SLCO1C1: variants seen among roughly 807,000 people sequenced by gnomAD.
SLCO1C1 encodes the protein solute carrier organic anion transporter family member 1C1.
SLCO1C1 carries 70 observed loss-of-function variants against 76.4 expected under a neutral mutation model. The ratio of observed to expected loss-of-function variants is 0.92; its 90% CI spans 0.76 to 1.12. The LOEUF (loss-of-function observed/expected upper bound fraction) is 1.12. SLCO1C1 is among the 50% of genes most tolerant of loss of function. SLCO1C1 has a pLI of 0.00. For synonymous variants in SLCO1C1, 306 were observed against 286.1 expected (o/e 1.07, Z -0.70); for missense variants, 912 against 823.8 (o/e 1.11, Z -1.31).
intron 9 of SLCO1C1, among the ~76,000 whole-genome samples, chr12:20,730,328 C>T (rs892916080): frequency 6.8e-4 from 103 of 152,012 alleles, no homozygotes; most frequent in African/African-American, 2.2e-3. Flanking sequence ...TAAAAGTAGG[C>T]ACTTCAAGGA....
At chr12:20,716,168 G>C (rs1947351992) in intron 6 of SLCO1C1, among the ~76,000 whole-genome samples, 1 of 152,128 alleles carries the variant, frequency 6.6e-6, no homozygotes, top group African/African-American at 2.4e-5. Context: ...GACTCCAGGG[G>C]GTGCTGGTTA....
intron 9 of SLCO1C1, among the ~76,000 whole-genome samples, chr12:20,730,090 C>G (rs563845275): frequency 6.6e-6 from 1 of 152,042 alleles, no homozygotes; most frequent in Non-Finnish European, 1.5e-5. Flanking sequence ...TTCTTACGTC[C>G]AGGTTCAATT....
At chr12:20,730,761 C>T (rs937238105) in intron 9 of SLCO1C1, among the ~76,000 whole-genome samples, 12 of 152,150 alleles carry the variant, frequency 7.9e-5, no homozygotes, top group African/African-American at 2.9e-4. Context: ...CAAATAAAAA[C>T]AGATGAAACA....
Position 20,695,680 on chromosome 12 carries a change from C to A in SLCO1C1, c.-153C>A, listed in dbSNP as rs1946236394. On this transcript the variant is annotated 5_prime_UTR_variant, in exon 1 of 15. Coordinates refer to ENST00000266509, the MANE Select transcript of SLCO1C1 (RefSeq NM_017435.5). ...TGCTTGTGTCCACCCACACTCTCCC[C>A]ACCTGGCAAAATTGTTCAAAATTGC... 1 of 152,122 alleles carries A rather than the reference C, an allele frequency of 6.6e-6. No homozygotes were observed. The highest frequency in any genetic ancestry group is 2.4e-5 in the African/African-American group (1 of 41,410). 9.4% of individuals were successfully genotyped at this position (152,122 alleles called of 1,614,324 possible).
At chr12:20,744,618 T>C (rs1272746130) in intron 13 of SLCO1C1, among the ~76,000 whole-genome samples, 1 of 152,142 alleles carries the variant, frequency 6.6e-6, no homozygotes, top group Admixed American at 6.5e-5. Flanking sequence ...ACCTTTCTTA[T>C]CAGGTTGACA....
intron 9 of SLCO1C1, among the ~76,000 whole-genome samples, chr12:20,723,641 C>T (rs766007444): frequency 2.0e-5 from 3 of 151,998 alleles, no homozygotes; most frequent in Non-Finnish European, 2.9e-5. Flanking sequence ...TGTATTTTCG[C>T]GGTCAAAAAA....
At position 20,703,531 on chromosome 12, in the gene SLCO1C1, A is replaced by G. The variant is rs1009157851; in HGVS notation, c.271+2072A>G. On this transcript the variant is annotated intron_variant, in intron 3 of 14. Transcript: ENST00000266509. ...CAAATACTTTTAAAATTTTAGTATT[A>G]AGCAATATGCTTGCTTTGTGGTTTT... 3.3e-5 allele frequency among the ~76,000 whole-genome samples: 5 copies of G among 151,978 alleles called. 1 individual carries two copies. The Middle Eastern group carries it at 0.01, about 310-fold the overall frequency.
intron 13 of SLCO1C1, among the ~76,000 whole-genome samples, chr12:20,748,484 C>A (rs1949148641): frequency 6.6e-6 from 1 of 152,142 alleles, no homozygotes; most frequent in Non-Finnish European, 1.5e-5. Context: ...TCCTATATAA[C>A]CACAATACCA....
At position 20,740,233 on chromosome 12, in the gene SLCO1C1, A is replaced by G; in HGVS notation, c.1598A>G (p.Asn533Ser). Residue 533 changes from asparagine (N) to serine (S), a missense_variant, in exon 12 of 15, where the codon AAT (asparagine) becomes AGT (serine). Coordinates refer to ENST00000266509, the MANE Select transcript of SLCO1C1 (RefSeq NM_017435.5). ...CVGIAASKSG[N>S]SSGIVGRCQK... ...GGAATTGCAGCTTCTAAATCCGGAAATTCCTCAGGCATAGTGGGAAGATGT... is the reference window on the plus strand; with the variant it reads ...GGAATTGCAGCTTCTAAATCCGGAAGTTCCTCAGGCATAGTGGGAAGATGT... The G allele has an allele frequency of 6.2e-7, 1 of 1,613,644 alleles. No individual in the cohort carries two copies. The highest frequency in any genetic ancestry group is 8.5e-7 in the Non-Finnish European group (1 of 1,179,840).
chr12:20,729,452 AG>A (rs1249274418), intron 9 of SLCO1C1, among the ~76,000 whole-genome samples: 5 of 152,082 alleles, frequency 3.3e-5, no homozygotes, highest in African/African-American at 1.2e-4. Flanking sequence ...TCTTCCTTTG[AG>A]GGTTTGGTTG....
intron 8 of SLCO1C1, 80 bp from the exon 9 acceptor site, chr12:20,723,010 G>A: frequency 7.7e-7 from 1 of 1,306,550 alleles, no homozygotes; most frequent in Middle Eastern, 2.5e-4. Flanking sequence ...CCCCAGCCCT[G>A]TAAGTCCTGC....
At chr12:20,748,126 C>T (rs1222649200) in intron 13 of SLCO1C1, among the ~76,000 whole-genome samples, 1 of 152,130 alleles carries the variant, frequency 6.6e-6, no homozygotes, top group Non-Finnish European at 1.5e-5. Context: ...TCTGATGTTT[C>T]CTTACACATG....
At chr12:20,728,139 A>G (rs140010881) in intron 9 of SLCO1C1, among the ~76,000 whole-genome samples, 1 of 152,134 alleles carries the variant, frequency 6.6e-6, no homozygotes, top group Non-Finnish European at 1.5e-5. Flanking sequence ...GGATTTTTAT[A>G]GTTTAAATTC....
rs1320569175 is a variant in SLCO1C1, at chr12:20,752,941, G to C, written c.*413G>C. The C allele has an allele frequency of 6.6e-6, 1 of 152,646 alleles. No homozygotes were observed. Among genetic ancestry groups the C allele is most frequent in the Admixed American group, 6.5e-5 (1 of 15,288 alleles). The allele number at this position is 152,646 out of a possible 1,614,324, so 9.5% of individuals were successfully genotyped here. On this transcript the variant is annotated 3_prime_UTR_variant, in exon 15 of 15. Coordinates refer to ENST00000266509, the MANE Select transcript of SLCO1C1 (RefSeq NM_017435.5). ...TAACTCATACCTTGGGTTCCTTCAAGTATTACTCCTATAGTATTTTCTCCC... is the reference window on the plus strand; with the variant it reads ...TAACTCATACCTTGGGTTCCTTCAACTATTACTCCTATAGTATTTTCTCCC...
chr12:20,722,228 A>G (rs924350605), intron 8 of SLCO1C1, among the ~76,000 whole-genome samples, 179 bp downstream of exon 8: 6 of 152,256 alleles, frequency 3.9e-5, no homozygotes, highest in African/African-American at 1.4e-4. Context: ...ACACGACCAA[A>G]GAGCAAAGGC....
intron 10 of SLCO1C1, among the ~76,000 whole-genome samples, chr12:20,736,265 A>AT (rs1948531846): frequency 8.6e-6 from 1 of 116,130 alleles, no homozygotes; most frequent in Admixed American, 9.9e-5. Flanking sequence ...ATGGCAGAGA[A>AT]CAAAAAAAAA....
intron 7 of SLCO1C1, among the ~76,000 whole-genome samples, chr12:20,718,219 A>C (rs1326892276): frequency 6.6e-6 from 1 of 152,202 alleles, no homozygotes; most frequent in Non-Finnish European, 1.5e-5. Context: ...AAGGGGAAGC[A>C]ATTAACATGC....
Position 20,741,241 on chromosome 12 carries a change from C to T in SLCO1C1, c.1733+873C>T, listed in dbSNP as rs530620114. ...CATGTGGGGATTACAATTTGGATTA[C>T]AATTCAAGATGAGATTTGGGAACAG... On this transcript the variant is annotated intron_variant, in intron 12 of 14. Coordinates refer to ENST00000266509, the MANE Select transcript of SLCO1C1 (RefSeq NM_017435.5). 1.2e-3 allele frequency among the ~76,000 whole-genome samples: 188 copies of T among 152,208 alleles called. 4 individuals carry two copies. The South Asian group carries it at 0.017, about 14-fold the overall frequency.
chr12:20,710,195 CTTTTCTTTT>C (rs1349699758), intron 4 of SLCO1C1, among the ~76,000 whole-genome samples: 24 of 125,162 alleles, frequency 1.9e-4, no homozygotes, highest in African/African-American at 8.7e-4. Context: ...CAGTTCTCTA[CTTTTCTTTT>C]TTTTTTTTTT....
Sources: allele counts gnomAD v4.1 joint callset (sites outside exome capture counted in the v4.1 genomes callset), GRCh38; gene constraint gnomAD v4.1.1; transcripts MANE v1.5; gene names NCBI Gene and HGNC (gene_info 2026-07-23, HGNC 2026-07-21).